SRGAP3: variants seen among roughly 807,000 people sequenced by gnomAD.
The protein encoded by SRGAP3 is SLIT-ROBO Rho GTPase activating protein 3, also known as SLIT-ROBO Rho GTPase-activating protein 3.
SRGAP3 carries 39 observed loss-of-function variants against 121.1 expected under a neutral mutation model. The ratio of observed to expected loss-of-function variants is 0.32; its 90% confidence interval spans 0.25 to 0.42. The LOEUF (loss-of-function observed/expected upper bound fraction) is 0.42. SRGAP3 is among the 10% of genes least tolerant of loss of function. The pLI, the probability that SRGAP3 is intolerant of heterozygous loss-of-function variation, is 1.00. For synonymous variants in SRGAP3, 601 were observed against 570.0 expected (o/e 1.05, Z -0.77); for missense variants, 1,213 against 1,470.6 (o/e 0.82, Z 2.86).
chr3:8,997,153 G>A (rs893202735), intron 18 of SRGAP3, among the ~76,000 whole-genome samples: 2 of 152,126 alleles, frequency 1.3e-5, no homozygotes, highest in African/African-American at 4.8e-5. Flanking sequence ...TGGGCTTCTC[G>A]TGCCTGAAAC....
intron 1 of SRGAP3, among the ~76,000 whole-genome samples, chr3:9,224,351 G>A (rs1475584174): frequency 1.3e-5 from 2 of 152,308 alleles, no homozygotes; most frequent in South Asian, 2.1e-4. Context: ...GGGAATAGAG[G>A]GAGGAAAGTG....
chr3:9,288,095 A>G (rs1954806713), intron 3 of SRGAP3, among the ~76,000 whole-genome samples: 1 of 151,596 alleles, frequency 6.6e-6, no homozygotes, highest in South Asian at 2.1e-4. Context: ...TTCAATATTC[A>G]ATAAAGCAAT....
chr3:9,136,599 G>A lies in SRGAP3; in HGVS notation c.68-11682C>T, dbSNP rs1949674913. Reference sequence around the variant, plus strand: ...GCCATTCTTTATTAACCTTTATCAAGCCAGGCCGGTCAGCGGCCATCCTCA... The same window carrying A: ...GCCATTCTTTATTAACCTTTATCAAACCAGGCCGGTCAGCGGCCATCCTCA... On this transcript the variant is annotated intron_variant, in intron 1 of 21. Coordinates refer to ENST00000383836, the MANE Select transcript of SRGAP3 (RefSeq NM_014850.4). Among the ~76,000 whole-genome samples the A allele has an allele frequency of 2.6e-5, 4 of 152,334 alleles. No homozygotes were observed. The South Asian group carries it at 6.2e-4, about 24-fold the overall frequency.
intron 3 of SRGAP3, among the ~76,000 whole-genome samples, chr3:9,259,132 C>T (rs1233671171): frequency 6.6e-6 from 1 of 152,190 alleles, no homozygotes. Context: ...CTCCCCGGGT[C>T]CTGGCTCCTG....
At chr3:9,280,060 G>T (rs898809225) in intron 3 of SRGAP3, among the ~76,000 whole-genome samples, 1 of 152,228 alleles carries the variant, frequency 6.6e-6, no homozygotes, top group Non-Finnish European at 1.5e-5. Flanking sequence ...CAGCCCAGCA[G>T]GCAAAGGAAA....
chr3:9,012,607 C>T (rs1290060204), intron 17 of SRGAP3, among the ~76,000 whole-genome samples: 1 of 152,148 alleles, frequency 6.6e-6, no homozygotes, highest in East Asian at 1.9e-4. Flanking sequence ...AGAAACTGAG[C>T]TCACTTTGTC....
chr3:8,998,316 T>C (rs1042995950), intron 18 of SRGAP3, among the ~76,000 whole-genome samples: 64 of 152,336 alleles, frequency 4.2e-4, no homozygotes, highest in African/African-American at 1.5e-3. Context: ...TCAACAAATA[T>C]GTATTAATGC....
chr3:9,099,723 G>T (rs1196856288), intron 3 of SRGAP3, among the ~76,000 whole-genome samples: 2 of 152,232 alleles, frequency 1.3e-5, no homozygotes, highest in African/African-American at 2.4e-5. Flanking sequence ...AGAAATGCAG[G>T]TTCTCAGGCC....
intron 1 of SRGAP3, among the ~76,000 whole-genome samples, chr3:9,140,126 C>T (rs1020462599): frequency 3.7e-5 from 5 of 135,160 alleles, no homozygotes; most frequent in African/African-American, 1.4e-4. Flanking sequence ...GAGGCATACA[C>T]ACACACACAC....
At chr3:9,352,478 T>C (rs996145823) in intron 1 of SRGAP3, among the ~76,000 whole-genome samples, 5 of 152,124 alleles carry the variant, frequency 3.3e-5, no homozygotes, top group African/African-American at 1.2e-4. Flanking sequence ...TTCACCATGT[T>C]GACCAGGCTG....
At chr3:9,187,941 A>G (rs1168773286) in intron 1 of SRGAP3, among the ~76,000 whole-genome samples, 1 of 152,148 alleles carries the variant, frequency 6.6e-6, no homozygotes, top group Non-Finnish European at 1.5e-5. Flanking sequence ...TTTAGCAAAC[A>G]ACCCTCTGCC....
At chr3:9,042,797 G>A (rs1406161615) in intron 10 of SRGAP3, among the ~76,000 whole-genome samples, 1 of 152,198 alleles carries the variant, frequency 6.6e-6, no homozygotes, top group Non-Finnish European at 1.5e-5. Context: ...GCCTGGGATT[G>A]TAGTGAACAA....
chr3:9,191,186 T>A (rs377647543), intron 1 of SRGAP3, among the ~76,000 whole-genome samples: 2 of 152,200 alleles, frequency 1.3e-5, no homozygotes. Context: ...TGGAACAACA[T>A]CAGCAGCCCT....
intron 3 of SRGAP3, among the ~76,000 whole-genome samples, chr3:9,315,417 G>A (rs1574997436): frequency 6.6e-6 from 1 of 152,314 alleles, no homozygotes; most frequent in East Asian, 1.9e-4. Context: ...CATTTGATTG[G>A]CCAGGTGAGG....
intron 1 of SRGAP3, among the ~76,000 whole-genome samples, chr3:9,158,800 G>A (rs956675785): frequency 5.3e-5 from 8 of 152,170 alleles, no homozygotes; most frequent in African/African-American, 1.9e-4. Context: ...CAAATCCCTT[G>A]ACAACAGGTA....
rs1941454329 is a variant in SRGAP3 at position 8,982,219 on chromosome 3, A to T, written c.*3300T>A. ...AGAATAGACTGAACGTCGGTTACAC[A>T]TAAAGACAAAAGGCTTGACCTCAGG... On this transcript the variant is annotated 3_prime_UTR_variant, in exon 22 of 22. Coordinates refer to ENST00000383836, the MANE Select transcript of SRGAP3 (RefSeq NM_014850.4). The T allele has an allele frequency of 1.8e-5, 4 of 226,118 alleles. No individual in the cohort carries two copies. Among genetic ancestry groups the T allele is most frequent in the African/African-American group, 8.9e-5 (4 of 44,982 alleles). The allele number at this position is 226,118 out of a possible 1,614,324, so 14.0% of individuals were successfully genotyped here.
intron 3 of SRGAP3, among the ~76,000 whole-genome samples, chr3:9,313,600 CT>C (rs1955287999): frequency 6.6e-6 from 1 of 151,880 alleles, no homozygotes; most frequent in African/African-American, 2.4e-5. Context: ...TTGCTTGAAC[CT>C]GGGAGGCAGA....
At chr3:9,116,535 A>T (rs2124952393) in intron 2 of SRGAP3, among the ~76,000 whole-genome samples, 1 of 152,336 alleles carries the variant, frequency 6.6e-6, no homozygotes, top group South Asian at 2.1e-4. Flanking sequence ...AGGCGAGAGG[A>T]GCAGCTGACT....
At chr3:9,351,902 G>C (rs992391239) in intron 1 of SRGAP3, among the ~76,000 whole-genome samples, 4 of 152,152 alleles carry the variant, frequency 2.6e-5, no homozygotes, top group Non-Finnish European at 4.4e-5. Flanking sequence ...CAAGCTCTTC[G>C]TGTCCTTAGA....
Sources: allele counts gnomAD v4.1 joint callset (sites outside exome capture counted in the v4.1 genomes callset), GRCh38; gene constraint gnomAD v4.1.1; transcripts MANE v1.5; gene names NCBI Gene and HGNC (gene_info 2026-07-23, HGNC 2026-07-21).